The following FAM114A1 variants were observed in gnomAD, a reference collection of about 807,000 sequenced individuals.
FAM114A1 encodes family with sequence similarity 114 member A1.
Under a neutral mutation model 64.3 loss-of-function variants are expected in FAM114A1, and 62 were observed. That is an observed-to-expected ratio of 0.96 (90% CI 0.79 to 1.19). FAM114A1 has a LOEUF of 1.19. Among genes scored for constraint, FAM114A1 ranks in the 50% most tolerant of loss-of-function variants. The pLI is 0.00. For synonymous variants in FAM114A1, 254 were observed against 251.1 expected (o/e 1.01, Z -0.11); for missense variants, 645 against 676.3 (o/e 0.95, Z 0.51).
At chr4:38,882,769 C>T (rs1157702959) in intron 3 of FAM114A1, among the ~76,000 whole-genome samples, 3 of 152,076 alleles carry the variant, frequency 2.0e-5, no homozygotes, top group African/African-American at 4.8e-5. Context: ...TATGTGTATG[C>T]ATATATATTT....
intron 8 of FAM114A1, among the ~76,000 whole-genome samples, chr4:38,916,096 T>C (rs1464233123): frequency 3.9e-5 from 6 of 152,206 alleles, no homozygotes; most frequent in Non-Finnish European, 7.3e-5. Context: ...TGTTTGGACT[T>C]TGAGCCATTC....
rs117502013 is a variant in FAM114A1 at position 38,900,264 on chromosome 4, G to A, written c.437-5258G>A. 3.2e-3 allele frequency among the ~76,000 whole-genome samples: 491 copies of A among 151,454 alleles called. 8 individuals are homozygous for A. The highest frequency in any genetic ancestry group is 0.026 in the Admixed American group (403 of 15,244). ...AGAAAATAAGCGTTGGTGAGGATGC[G>A]GAGAAACTGGAACCCTTGTGTGCTC... is the stretch of plus-strand genomic sequence containing the variant. On this transcript the variant is annotated intron_variant, in intron 4 of 14. Transcript: ENST00000358869.
chr4:38,929,998 C>T (rs1720497473), intron 10 of FAM114A1, among the ~76,000 whole-genome samples: 1 of 152,120 alleles, frequency 6.6e-6, no homozygotes, highest in Admixed American at 6.5e-5. Flanking sequence ...AAAAAGGGTG[C>T]AGAATCACCA....
At chr4:38,911,251 C>T (rs567243034) in intron 7 of FAM114A1, among the ~76,000 whole-genome samples, 11 of 152,364 alleles carry the variant, frequency 7.2e-5, no homozygotes, top group African/African-American at 2.6e-4. Flanking sequence ...GTGTCCCAGA[C>T]TGCAGTGCGG....
chr4:38,891,610 T>C (rs2109607103), intron 3 of FAM114A1, 133 bp from the exon 4 acceptor site: 1 of 729,710 alleles, frequency 1.4e-6, no homozygotes, highest in South Asian at 2.1e-5. Flanking sequence ...ATGACCCTTA[T>C]AAACTATAAG....
chr4:38,903,886 T>C (rs1717744117), intron 4 of FAM114A1, among the ~76,000 whole-genome samples: 1 of 152,208 alleles, frequency 6.6e-6, no homozygotes, highest in South Asian at 2.1e-4. Flanking sequence ...GTGATTTCCA[T>C]TGGACATAAT....
intron 7 of FAM114A1, among the ~76,000 whole-genome samples, chr4:38,913,680 G>A (rs116205103): frequency 0.056 from 8,532 of 152,168 alleles, 270 homozygotes; most frequent in Middle Eastern, 0.13. Context: ...GTGAGCCACC[G>A]TGCCTGGCCC....
rs116203713 is a variant in FAM114A1, at chr4:38,905,254, C to T, written c.437-268C>T. Reference sequence around the variant, plus strand: ...TCTCCACTAAAGGCACAAAAATTAGCCGGGCGTGGTGGTGTGCATCTGTAA... The same window carrying T: ...TCTCCACTAAAGGCACAAAAATTAGTCGGGCGTGGTGGTGTGCATCTGTAA... On this transcript the variant is annotated intron_variant, in intron 4 of 14. Transcript: ENST00000358869. Among the ~76,000 whole-genome samples the T allele has an allele frequency of 9.5e-3, 1,439 of 152,164 alleles. 10 individuals are homozygous for T. The highest frequency in any genetic ancestry group is 0.017 in the Non-Finnish European group (1,142 of 67,996).
At chr4:38,888,724 T>C (rs983325344) in intron 3 of FAM114A1, among the ~76,000 whole-genome samples, 3 of 152,152 alleles carry the variant, frequency 2.0e-5, no homozygotes, top group African/African-American at 2.4e-5. Context: ...TTTTCCTCTA[T>C]GTATTAGGAT....
At chr4:38,940,401 C>T (rs1364458159) in intron 13 of FAM114A1, among the ~76,000 whole-genome samples, 1 of 151,662 alleles carries the variant, frequency 6.6e-6, no homozygotes, top group Non-Finnish European at 1.5e-5. Context: ...AGGGGTAGAC[C>T]AGGGCTTAGA....
chr4:38,936,548 ATTT>A (rs761417840), intron 13 of FAM114A1, among the ~76,000 whole-genome samples: 17 of 110,306 alleles, frequency 1.5e-4, no homozygotes, highest in African/African-American at 5.0e-4. Context: ...AAGAGTTTTC[ATTT>A]TTTTTTTTTT....
At position 38,925,776 on chromosome 4, in the gene FAM114A1, G is replaced by A. The variant is rs138789164; in HGVS notation, c.1069+2883G>A. 2.1e-3 allele frequency among the ~76,000 whole-genome samples: 316 copies of A among 152,162 alleles called. 1 individual carries two copies. Among genetic ancestry groups the A allele is most frequent in the African/African-American group, 6.0e-3 (251 of 41,498 alleles). ...TTATTGCTTCGGTGAAGATCTTCTT[G>A]GCCATGTGTACAGACCAAGAGTTGT... On this transcript the variant is annotated intron_variant, in intron 9 of 14. Coordinates refer to ENST00000358869, the MANE Select transcript of FAM114A1 (RefSeq NM_138389.4).
Position 38,934,337 on chromosome 4 carries a change from A to G in FAM114A1, c.1464-1381A>G, listed in dbSNP as rs77492035. 1.7e-3 allele frequency among the ~76,000 whole-genome samples: 264 copies of G among 152,160 alleles called. 4 individuals are homozygous for G. In the East Asian group the frequency reaches 0.047, roughly 27 times the overall value. ...CCCACCCACCTGCCCAAGAACATAG[A>G]CTGAATGGCTCTGGGATATCTCCTG... On this transcript the variant is annotated intron_variant, in intron 12 of 14. Transcript: ENST00000358869.
chr4:38,941,288 G>C (rs1721562454), intron 14 of FAM114A1, among the ~76,000 whole-genome samples: 2 of 152,198 alleles, frequency 1.3e-5, no homozygotes, highest in Admixed American at 6.5e-5. Context: ...AGCAGAAGCA[G>C]ATTTCTGCTG....
intron 13 of FAM114A1, among the ~76,000 whole-genome samples, chr4:38,936,297 T>C (rs1054052747): frequency 9.9e-5 from 15 of 151,744 alleles, no homozygotes; most frequent in African/African-American, 3.4e-4. Context: ...GGTTTCACCG[T>C]GTTAGCCAGG....
chr4:38,931,160 T>A (rs1720595189), intron 10 of FAM114A1, among the ~76,000 whole-genome samples: 1 of 152,240 alleles, frequency 6.6e-6, no homozygotes, highest in African/African-American at 2.4e-5. Flanking sequence ...AATGTGACTG[T>A]CATTTTTATT....
intron 4 of FAM114A1, among the ~76,000 whole-genome samples, chr4:38,898,267 C>G (rs944925129): frequency 6.6e-6 from 1 of 152,148 alleles, no homozygotes; most frequent in African/African-American, 2.4e-5. Flanking sequence ...CGGAATGTAC[C>G]TGATATGTAT....
At position 38,935,782 on chromosome 4, in the gene FAM114A1, A is replaced by T; in HGVS notation, c.1528A>T (p.Thr510Ser). ...AAAGAAGTTTACGAATTCTTTAACC[A>T]CTGTTGGGGTAAGATTACAGTCTTG... Reference protein sequence around the residue: ...LSKKFTNSLTTVGSNKKAEVL... With the variant: ...LSKKFTNSLTSVGSNKKAEVL... The change falls in exon 13 of 15, where the codon ACT (threonine) becomes TCT (serine). Residue 510 changes from threonine (T) to serine (S), a missense_variant. By Grantham distance (58) the Thr-to-Ser change is moderately conservative. Coordinates refer to ENST00000358869, the MANE Select transcript of FAM114A1 (RefSeq NM_138389.4). 1 of 1,608,976 alleles carries T rather than the reference A, an allele frequency of 6.2e-7. No individual in the cohort carries two copies. The highest frequency in any genetic ancestry group is 8.5e-7 in the Non-Finnish European group (1 of 1,175,860).
chr4:38,894,651 C>G (rs139932650), intron 4 of FAM114A1, among the ~76,000 whole-genome samples: 1 of 152,194 alleles, frequency 6.6e-6, no homozygotes, highest in East Asian at 1.9e-4. Context: ...AATGGGCGAG[C>G]TGTCAGTCCG....
Sources: gnomAD v4.1 joint callset for allele counts (sites outside exome capture counted in the v4.1 genomes callset) on GRCh38, gnomAD v4.1.1 for gene constraint, MANE v1.5 for transcripts, NCBI Gene and HGNC (gene_info 2026-07-23, HGNC 2026-07-21) for gene names.